Variants in IRX2 observed in about 807,000 individuals in gnomAD.
IRX2 encodes the protein iroquois-class homeodomain protein IRX-2.
A neutral mutation model predicts 42.9 loss-of-function variants in IRX2; 26 were observed. The observed-to-expected ratio is 0.61, with a 90% confidence interval of 0.44 to 0.84. The LOEUF (loss-of-function observed/expected upper bound fraction) is 0.84. Among genes scored for constraint, IRX2 ranks in the 40% least tolerant of loss-of-function variants. The pLI is 0.00. For missense variants in IRX2, 782 were observed against 713.9 expected (o/e 1.10, Z -1.09); for synonymous variants, 424 against 353.9 (o/e 1.20, Z -2.22).
downstream of IRX2, among the ~76,000 whole-genome samples, chr5:2,745,626 G>A (rs1426114121): frequency 2.0e-5 from 3 of 152,108 alleles, no homozygotes; most frequent in Non-Finnish European, 2.9e-5. Context: ...ATCCTCACCC[G>A]AGGTTTAATG....
chr5:2,743,374 G>C (rs1239771961), downstream of IRX2, among the ~76,000 whole-genome samples: 1 of 152,192 alleles, frequency 6.6e-6, no homozygotes, highest in East Asian at 1.9e-4. Flanking sequence ...GGCAGCGCCC[G>C]CGCCGGCCGC....
In IRX2 at chr5:2,751,117, C is replaced by A. The variant is rs775047470; in HGVS notation, c.249+48G>T. 1.5e-5 allele frequency: 18 copies of A among 1,211,354 alleles called. No individual in the cohort carries two copies. Among genetic ancestry groups the A allele is most frequent in the Non-Finnish European group, 1.6e-5 (16 of 974,230 alleles). The allele number at this position is 1,211,354 out of a possible 1,614,324, so 75.0% of individuals were successfully genotyped here. A position where few individuals can be genotyped will look rare whatever the true frequency, so the allele number is the denominator to read the frequency against. ...GAGCCCCGCTCCGCCTGAGCCCCGT[C>A]TGGGTCCCGGCGCCCAGGAGTCCCG... is the stretch of plus-strand genomic sequence containing the variant. On this transcript the variant is annotated intron_variant, in intron 1 of 3. Coordinates refer to ENST00000302057, the MANE Select transcript of IRX2 (RefSeq NM_033267.5). This position sits in a 1 kb window ranked among gnomAD's most constrained non-coding sequence, Gnocchi z 4.0.
In IRX2 at chr5:2,749,439, T is replaced by G. The variant is rs1737841864; in HGVS notation, c.598A>C (p.Lys200Gln). 3 of 1,614,166 alleles carry G rather than the reference T, an allele frequency of 1.9e-6. No individual in the cohort carries two copies. Among genetic ancestry groups the G allele is most frequent in the Non-Finnish European group, 2.5e-6 (3 of 1,180,020 alleles). The change falls in exon 2 of 4, where the codon AAG becomes CAG. Residue 200 changes from lysine (K) to glutamine (Q), a missense_variant. Lys to Gln is a moderately conservative substitution (Grantham distance 53). Coordinates refer to ENST00000302057, the MANE Select transcript of IRX2 (RefSeq NM_033267.5). ...TGCGCCTTGTCGGGACTCTCGTCCT[T>G]GCTTCTGGTAGCGTCGCCCTCGTCC... The part of the protein sequence containing the change: ...DEDEGDATRS[K>Q]DESPDKAQEG...
At chr5:2,738,722 C>A in the IRX2 span, among the ~76,000 whole-genome samples, 1 of 152,152 alleles carries the variant, frequency 6.6e-6, no homozygotes, top group Non-Finnish European at 1.5e-5. Flanking sequence ...CCCAGCCGCA[C>A]GCTTGGGCCT....
In IRX2 at chr5:2,747,314, T is replaced by TAC; in HGVS notation, c.*249_*250insGT. On this transcript the variant is annotated 3_prime_UTR_variant, in exon 4 of 4. Transcript: ENST00000302057. ...ACACACACACACACACACATATATA[T>TAC]ATATATTTTTTTTTTCCTTCCCTAG... 1 of 257,812 alleles carries TAC rather than the reference T, an allele frequency of 3.9e-6. No homozygotes were observed. Among genetic ancestry groups the TAC allele is most frequent in the South Asian group, 5.9e-5 (1 of 16,936 alleles). 16.0% of individuals were successfully genotyped at this position (257,812 alleles called of 1,614,324 possible).
At position 2,748,321 on chromosome 5, in the gene IRX2, CGCCGCCGGCCGCGG is replaced by C; in HGVS notation, c.1363+10_1363+23del. On this transcript the variant is annotated intron_variant, in intron 3 of 3. Coordinates refer to ENST00000302057, the MANE Select transcript of IRX2 (RefSeq NM_033267.5). ...GGCTGGCTCTCCCTCCCCTCCCGGGCGCCGCCGGCCGCGGGCCGCCTACCTTTCTTGGGCTCGTA... is the reference window on the plus strand; with the variant it reads ...GGCTGGCTCTCCCTCCCCTCCCGGGCGCCGCCTACCTTTCTTGGGCTCGTA... 2 of 1,380,886 alleles carry C rather than the reference CGCCGCCGGCCGCGG, an allele frequency of 1.4e-6. No homozygotes were observed. Among genetic ancestry groups the C allele is most frequent in the Non-Finnish European group, 1.9e-6 (2 of 1,079,082 alleles). 85.5% of individuals were successfully genotyped at this position (1,380,886 alleles called of 1,614,324 possible).
At chr5:2,749,087 G>T (rs1224989977) in intron 2 of IRX2, 35 bp from the exon 3 acceptor site, 3 of 1,585,620 alleles carry the variant, frequency 1.9e-6, no homozygotes, top group South Asian at 2.2e-5. Context: ...TGGCACGAGG[G>T]GACAGCGCAG....
At position 2,749,712 on chromosome 5, in the gene IRX2, G is replaced by A; in HGVS notation, c.325C>T (p.Pro109Ser). The change falls in exon 2 of 4, where the codon CCG becomes TCG. Residue 109 changes from proline to serine, a missense_variant. Pro to Ser is a moderately conservative substitution (Grantham distance 74, BLOSUM62 -1). Transcript: ENST00000302057. ...TACGCGGGGTCGTTGAGCTGGTACG[G>A]GTAGGCCGCGCTGCCGTACGGGTGG... is the stretch of plus-strand genomic sequence containing the variant. ...SYHPYGSAAY[P>S]YQLNDPAYRK... 1 of 1,614,012 alleles carries A rather than the reference G, an allele frequency of 6.2e-7. No individual in the cohort carries two copies. Among genetic ancestry groups the A allele is most frequent in the Non-Finnish European group, 8.5e-7 (1 of 1,179,980 alleles).
In IRX2 at chr5:2,748,676, G is replaced by T; in HGVS notation, c.1032C>A (p.Ser344Arg). 1 of 1,393,660 alleles carries T rather than the reference G, an allele frequency of 7.2e-7. No homozygotes were observed. The highest frequency in any genetic ancestry group is 9.3e-7 in the Non-Finnish European group (1 of 1,074,342). The allele number at this position is 1,393,660 out of a possible 1,614,324, so 86.3% of individuals were successfully genotyped here. Residue 344 changes from serine (S) to arginine (R), a missense_variant, in exon 3 of 4, where the codon AGC (serine) becomes AGA (arginine). Physicochemically the swap from Ser to Arg is moderately radical, Grantham distance 110. Transcript: ENST00000302057. The part of the protein sequence containing the change: ...EIATSDLKQP[S>R]LGPGCGPPGL... ...CCGGTGGCCCGCAGCCCGGGCCCAG[G>T]CTCGGCTGCTTGAGGTCCGACGTGG...
chr5:2,750,702 C>G lies in IRX2; in HGVS notation c.249+463G>C, dbSNP rs370941760. Among the ~76,000 whole-genome samples, 502 of 152,370 alleles carry G rather than the reference C, an allele frequency of 3.3e-3. 3 individuals are homozygous for G. Among genetic ancestry groups the G allele is most frequent in the African/African-American group, 0.012 (486 of 41,596 alleles). ...CTGGGCCTAACTCGGTGACCCCCAC[C>G]GCCCTGAGCCCCGCGAGTGAATGCG... On this transcript the variant is annotated intron_variant, in intron 1 of 3. Coordinates refer to ENST00000302057, the MANE Select transcript of IRX2 (RefSeq NM_033267.5).
intron 1 of IRX2, among the ~76,000 whole-genome samples, 164 bp from the exon 2 acceptor site, chr5:2,749,951 C>T (rs1363626223): frequency 6.6e-6 from 1 of 152,226 alleles, no homozygotes; most frequent in African/African-American, 2.4e-5. Context: ...CAGTGTGATT[C>T]GGGACCAGCT....
In IRX2 at chr5:2,748,538, G is replaced by T; in HGVS notation, c.1170C>A (p.Gly390=). 6.3e-7 allele frequency: 1 copy of T among 1,578,634 alleles called. No individual in the cohort carries two copies. The highest frequency in any genetic ancestry group is 8.6e-7 in the Non-Finnish European group (1 of 1,163,788). ...TCAAGTTCCCGTAGTTTGTGTAGTT[G>T]CCGTAGAAGGGCGACGTGTAGTAGA... ...RPLYYTSPFY[G]NYTNYGNLNA... Residue 390 remains glycine, a synonymous_variant, in exon 3 of 4, where the codon GGC becomes GGA. Transcript: ENST00000302057.
downstream of IRX2, among the ~76,000 whole-genome samples, chr5:2,743,886 A>G (rs1737599642): frequency 6.6e-6 from 1 of 152,182 alleles, no homozygotes; most frequent in Non-Finnish European, 1.5e-5. Context: ...TTCTTAGTGT[A>G]TATTTTAGAA....
intron 1 of IRX2, among the ~76,000 whole-genome samples, 168 bp downstream of exon 1, chr5:2,750,997 G>A (rs1467858906): frequency 6.6e-6 from 1 of 151,540 alleles, no homozygotes; most frequent in African/African-American, 2.4e-5. Flanking sequence ...CTCCCCACCC[G>A]GGGCCCGGCT....
chr5:2,743,489 G>T (rs1737587958), downstream of IRX2, among the ~76,000 whole-genome samples: 2 of 148,926 alleles, frequency 1.3e-5, no homozygotes, highest in South Asian at 4.2e-4. Flanking sequence ...CTGGGCCGCG[G>T]AGAGCAGAAG....
the IRX2 span, chr5:2,737,682 G>A: frequency 6.6e-6 from 1 of 152,228 alleles, no homozygotes; most frequent in African/African-American, 2.4e-5. Flanking sequence ...ACCATGCCTG[G>A]GTGTTCACCC....
chr5:2,749,202 C>T, intron 2 of IRX2, 150 bp from the exon 3 acceptor site: 1 of 1,457,354 alleles, frequency 6.9e-7, no homozygotes, highest in Non-Finnish European at 9.0e-7. Context: ...GCCTGACCTC[C>T]CCGGGAAGGG....
In IRX2 at chr5:2,748,898, G is replaced by A. The variant is rs183565355; in HGVS notation, c.810C>T (p.Asp270=). ...GCGCCAGGCCCCGCTCGCCCTCCTC[G>A]TCGTCGTCCTCGTCGTCCTCCAGGT... ...YDDLEDDEDD[D]EEGERGLAPP... The change falls in exon 3 of 4, where the codon GAC becomes GAT. Residue 270 remains aspartate, a synonymous_variant. Transcript: ENST00000302057. 6.3e-7 allele frequency: 1 copy of A among 1,595,750 alleles called. No individual in the cohort carries two copies.
rs920615858 is a variant in IRX2 at position 2,749,527 on chromosome 5, C to G, written c.510G>C (p.Arg170=). Residue 170 remains arginine (R), a synonymous_variant, in exon 2 of 4, where the codon CGG becomes CGC. Transcript: ENST00000302057. The part of the protein sequence containing the change: ...QVSTWFANAR[R]RLKKENKMTW... ...TCATCTTGTTCTCCTTCTTGAGGCG[C>G]CGGCGCGCGTTGGCGAACCAGGTGG... 1 of 1,614,218 alleles carries G rather than the reference C, an allele frequency of 6.2e-7. No homozygotes were observed. The highest frequency in any genetic ancestry group is 8.5e-7 in the Non-Finnish European group (1 of 1,180,046).
Sources: allele counts gnomAD v4.1 joint callset (sites outside exome capture counted in the v4.1 genomes callset), GRCh38; gene constraint gnomAD v4.1.1; non-coding constraint Gnocchi (gnomAD v3.1); transcripts MANE v1.5; gene names NCBI Gene and HGNC (gene_info 2026-07-23, HGNC 2026-07-21).